Variants in HHLA1 observed in about 807,000 individuals in gnomAD.
HHLA1 encodes HERV-H LTR-associating protein 1.
Under a neutral mutation model 69.9 loss-of-function variants are expected in HHLA1, and 72 were observed. That is an observed-to-expected ratio of 1.03 (90% confidence interval 0.85 to 1.25). The LOEUF (loss-of-function observed/expected upper bound fraction) is 1.25. Ranked by LOEUF, HHLA1 falls within the 50% of genes most tolerant of loss-of-function variation. HHLA1 has a pLI of 0.00. For synonymous variants in HHLA1, 252 were observed against 233.2 expected (o/e 1.08, Z -0.73); for missense variants, 685 against 642.2 (o/e 1.07, Z -0.72).
chr8:132,103,755 T>C (rs2130900737), intron 3 of HHLA1, among the ~76,000 whole-genome samples: 1 of 152,350 alleles, frequency 6.6e-6, no homozygotes, highest in African/African-American at 2.4e-5. Flanking sequence ...CTCTTGTCCT[T>C]TCTGTTGCAA....
At chr8:132,107,492 G>A (rs1168591614) in intron 1 of HHLA1, among the ~76,000 whole-genome samples, 1 of 151,894 alleles carries the variant, frequency 6.6e-6, no homozygotes, top group East Asian at 1.9e-4. Context: ...GTAGAGACAG[G>A]GTTTCTCCAT....
At chr8:132,067,279 TCTC>T (rs1346259560) in intron 15 of HHLA1, among the ~76,000 whole-genome samples, 1 of 152,112 alleles carries the variant, frequency 6.6e-6, no homozygotes, top group East Asian at 1.9e-4. Context: ...TGCCCTCCAA[TCTC>T]CTCTCAGTAT....
chr8:132,063,948 C>T lies in HHLA1; in HGVS notation c.*47G>A, dbSNP rs369260083. On this transcript the variant is annotated 3_prime_UTR_variant, in exon 17 of 17. Transcript: ENST00000414222. ...TTGGGACAAGAGCCAGGGTGGATGG[C>T]GTATCCCCTGAAGTAATTGTTATGC... 54 of 1,120,238 alleles carry T rather than the reference C, an allele frequency of 4.8e-5. No homozygotes were observed. Among genetic ancestry groups the T allele is most frequent in the Middle Eastern group, 2.3e-4 (1 of 4,264 alleles). 69.4% of individuals were successfully genotyped at this position (1,120,238 alleles called of 1,614,324 possible).
chr8:132,090,389 C>T (rs2130891548), intron 7 of HHLA1, among the ~76,000 whole-genome samples: 1 of 152,260 alleles, frequency 6.6e-6, no homozygotes, highest in African/African-American at 2.4e-5. Context: ...TTTGAGGAGC[C>T]CCAGTCATTT....
chr8:132,079,567 G>A (rs191166365), intron 11 of HHLA1, 151 bp downstream of exon 11: 3 of 802,506 alleles, frequency 3.7e-6, no homozygotes, highest in East Asian at 5.5e-5. Flanking sequence ...ACCCATACCG[G>A]CTCATACAGA....
chr8:132,098,050 C>A (rs1218474991), intron 5 of HHLA1, among the ~76,000 whole-genome samples: 1 of 152,172 alleles, frequency 6.6e-6, no homozygotes, highest in East Asian at 1.9e-4. Context: ...CTCTCCCAGG[C>A]CAAAGATTTT....
chr8:132,073,970 T>C (rs1823592022), intron 14 of HHLA1, among the ~76,000 whole-genome samples: 2 of 152,170 alleles, frequency 1.3e-5, no homozygotes, highest in African/African-American at 4.8e-5. Context: ...TTCCTCCCCA[T>C]TCTGCAGTCA....
chr8:132,071,463 G>A lies in HHLA1; in HGVS notation c.1346C>T (p.Ala449Val). The A allele has an allele frequency of 6.4e-7, 1 of 1,551,606 alleles. No homozygotes were observed. The highest frequency in any genetic ancestry group is 8.7e-7 in the Non-Finnish European group (1 of 1,146,926). The change falls in exon 15 of 17, where the codon GCT becomes GTT. Residue 449 changes from alanine to valine, a missense_variant. Coordinates refer to ENST00000414222, the MANE Select transcript of HHLA1 (RefSeq NM_001145095.3). ...RCPQPLFKVG[A>V]MAAAPLTLAI... ...CAGGGTGAGAGGAGCAGCTGCCATA[G>A]CTCCCACCTTGAAGAGTGGCTGAGG...
At chr8:132,089,433 G>C in intron 8 of HHLA1, 83 bp downstream of exon 8, 1 of 768,360 alleles carries the variant, frequency 1.3e-6, no homozygotes, top group East Asian at 2.7e-5. Flanking sequence ...AGGGGTTGGG[G>C]TGAGGAACAT....
chr8:132,071,890 G>A (rs1279714243), intron 14 of HHLA1, among the ~76,000 whole-genome samples: 1 of 151,982 alleles, frequency 6.6e-6, no homozygotes, highest in Admixed American at 6.6e-5. Flanking sequence ...GGGGATATGA[G>A]GTATGTATAT....
intron 1 of HHLA1, among the ~76,000 whole-genome samples, chr8:132,106,207 G>A (rs534504080): frequency 2.6e-5 from 4 of 152,318 alleles, no homozygotes; most frequent in African/African-American, 9.6e-5. Context: ...AGGTGAATTG[G>A]GCGGGAAGAA....
At chr8:132,110,768 A>C (rs1824283923) in intron 1 of HHLA1, among the ~76,000 whole-genome samples, 1 of 152,148 alleles carries the variant, frequency 6.6e-6, no homozygotes, top group Non-Finnish European at 1.5e-5. Context: ...TTTTATCCTC[A>C]TTCCAATGTT....
intron 10 of HHLA1, among the ~76,000 whole-genome samples, chr8:132,086,217 A>G (rs1305984183): frequency 6.6e-6 from 1 of 152,148 alleles, no homozygotes; most frequent in Non-Finnish European, 1.5e-5. Context: ...GCAGCAGTGG[A>G]TATGACGATG....
intron 7 of HHLA1, 47 bp downstream of exon 7, chr8:132,095,472 C>A (rs1175984906): frequency 7.7e-7 from 1 of 1,299,236 alleles, no homozygotes; most frequent in Admixed American, 2.0e-5. Flanking sequence ...TAAAAGGACA[C>A]AAGCAAAATT....
chr8:132,072,600 A>G (rs1377184188), intron 14 of HHLA1, among the ~76,000 whole-genome samples: 2 of 152,190 alleles, frequency 1.3e-5, no homozygotes, highest in Admixed American at 6.5e-5. Context: ...TCTTCCAACA[A>G]AGGTTCACTA....
At chr8:132,080,507 A>G (rs1223605481) in intron 10 of HHLA1, 2 of 248,326 alleles carry the variant, frequency 8.1e-6, no homozygotes, top group Non-Finnish European at 1.6e-5. Flanking sequence ...TCACAAGGTA[A>G]TGTCATCAGT....
Position 132,061,518 on chromosome 8 carries a change from A to T in HHLA1, c.*2477T>A, listed in dbSNP as rs954527787. The T allele has an allele frequency of 1.3e-5, 2 of 152,228 alleles. No homozygotes were observed. The highest frequency in any genetic ancestry group is 4.8e-5 in the African/African-American group (2 of 41,448). 9.4% of individuals were successfully genotyped at this position (152,228 alleles called of 1,614,324 possible). A position where few individuals can be genotyped will look rare whatever the true frequency, so the allele number is the denominator to read the frequency against. ...AGAATGAAGTTTAATGACGTTACGC[A>T]TGTAACTGCACAATCTCCTTCATCA... is the stretch of plus-strand genomic sequence containing the variant. On this transcript the variant is annotated 3_prime_UTR_variant, in exon 17 of 17. Transcript: ENST00000414222.
intron 12 of HHLA1, 93 bp from the exon 13 acceptor site, chr8:132,076,636 C>A (rs1341118804): frequency 2.6e-6 from 2 of 755,922 alleles, no homozygotes; most frequent in Middle Eastern, 2.5e-4. Context: ...CCCTATCCAA[C>A]CAATGTTGGT....
At chr8:132,093,070 G>C (rs1386731353) in intron 7 of HHLA1, among the ~76,000 whole-genome samples, 1 of 152,186 alleles carries the variant, frequency 6.6e-6, no homozygotes, top group Non-Finnish European at 1.5e-5. Context: ...AAATAATGCA[G>C]AGAATGGGTT....
Sources: allele counts gnomAD v4.1 joint callset (sites outside exome capture counted in the v4.1 genomes callset), GRCh38; gene constraint gnomAD v4.1.1; transcripts MANE v1.5; gene names NCBI Gene and HGNC (gene_info 2026-07-23, HGNC 2026-07-21).